The following ROBO2 variants were observed in gnomAD, a reference collection of about 807,000 sequenced individuals.
ROBO2 encodes roundabout homolog 2.
Under a neutral mutation model 160.8 loss-of-function variants are expected in ROBO2, and 53 were observed. That is an observed-to-expected ratio of 0.33 (90% CI 0.26 to 0.41). The LOEUF (loss-of-function observed/expected upper bound fraction) is 0.41, where lower values mean the gene tolerates loss of function less well. Ranked by LOEUF, ROBO2 falls within the 10% of genes least tolerant of loss-of-function variation. The probability of loss-of-function intolerance (pLI) is 1.00; values close to 1 mark genes in which losing one functional copy is unlikely to be tolerated. For missense variants in ROBO2, 1,577 were observed against 1,722.4 expected (o/e 0.92, Z 1.49); for synonymous variants, 664 against 611.7 (o/e 1.09, Z -1.26).
intron 2 of ROBO2, among the ~76,000 whole-genome samples, chr3:76,862,125 A>G (rs2070848541): frequency 3.3e-5 from 5 of 152,068 alleles, no homozygotes; most frequent in Non-Finnish European, 1.5e-5. Flanking sequence ...GAAGGAAGGA[A>G]AAGAAGGAAA....
At chr3:77,339,181 C>T (rs1427696219) in intron 2 of ROBO2, among the ~76,000 whole-genome samples, 2 of 151,886 alleles carry the variant, frequency 1.3e-5, no homozygotes, top group Non-Finnish European at 2.9e-5. Context: ...AAAATTAACA[C>T]TCTTTTTTTA....
At chr3:76,940,749 T>C (rs1334361781) in intron 2 of ROBO2, among the ~76,000 whole-genome samples, 2 of 152,230 alleles carry the variant, frequency 1.3e-5, no homozygotes, top group East Asian at 1.9e-4. Flanking sequence ...AACGGCTTTA[T>C]TGCACAATGT....
chr3:76,627,357 A>G (rs765728732), intron 2 of ROBO2, among the ~76,000 whole-genome samples: 2 of 152,176 alleles, frequency 1.3e-5, no homozygotes, highest in Non-Finnish European at 2.9e-5. Flanking sequence ...GGTTGTGTCT[A>G]ACGGTTCCAG....
At chr3:76,089,205 A>C (rs2069131895) in intron 2 of ROBO2, among the ~76,000 whole-genome samples, 2 of 152,072 alleles carry the variant, frequency 1.3e-5, no homozygotes, top group Non-Finnish European at 2.9e-5. Flanking sequence ...CAGTTACCAA[A>C]ATAGAAAATA....
intron 2 of ROBO2, among the ~76,000 whole-genome samples, chr3:76,058,962 C>T (rs933659089): frequency 1.4e-4 from 21 of 151,430 alleles, no homozygotes; most frequent in African/African-American, 4.6e-4. Flanking sequence ...ACCCATGTCC[C>T]TACAAAGGAC....
At chr3:77,078,264 A>G (rs192048160) in intron 1 of ROBO2, among the ~76,000 whole-genome samples, 1 of 152,344 alleles carries the variant, frequency 6.6e-6, no homozygotes, top group Non-Finnish European at 1.5e-5. Flanking sequence ...TTGAAAACTT[A>G]CAATGTAAAC....
chr3:76,365,142 T>C (rs2075740208), intron 2 of ROBO2, among the ~76,000 whole-genome samples: 1 of 152,080 alleles, frequency 6.6e-6, no homozygotes, highest in Admixed American at 6.6e-5. Context: ...AGAGAGAGCC[T>C]GTGGTGTGGC....
intron 2 of ROBO2, among the ~76,000 whole-genome samples, chr3:76,702,551 C>CAGAA (rs149427992): frequency 4.0e-5 from 6 of 151,170 alleles, no homozygotes; most frequent in African/African-American, 1.5e-4. Flanking sequence ...GAGAAATAGA[C>CAGAA]AGAGAAAGAG....
At chr3:76,616,420 T>C (rs2088589715) in intron 2 of ROBO2, among the ~76,000 whole-genome samples, 1 of 152,178 alleles carries the variant, frequency 6.6e-6, no homozygotes, top group Non-Finnish European at 1.5e-5. Context: ...AGGAACACCT[T>C]GTGTGATTCA....
chr3:77,575,532 A>AAAG (rs2153671431), intron 14 of ROBO2, among the ~76,000 whole-genome samples: 1 of 152,210 alleles, frequency 6.6e-6, no homozygotes, highest in Admixed American at 6.6e-5. Context: ...GTGCTTGACC[A>AAAG]AAGAGCTCTT....
At chr3:76,751,198 G>T (rs918215318) in intron 2 of ROBO2, among the ~76,000 whole-genome samples, 3 of 152,044 alleles carry the variant, frequency 2.0e-5, no homozygotes, top group Admixed American at 6.6e-5. Flanking sequence ...AATAGGGAAA[G>T]GATTCCCTAT....
chr3:76,598,932 T>C (rs1282892953), intron 2 of ROBO2, among the ~76,000 whole-genome samples: 1 of 152,150 alleles, frequency 6.6e-6, no homozygotes, highest in African/African-American at 2.4e-5. Flanking sequence ...ACACAGCATA[T>C]AGAAAAACAT....
Position 76,507,862 on chromosome 3 carries a change from C to G in ROBO2, c.109+570260C>G, listed in dbSNP as rs113865823. Among the ~76,000 whole-genome samples the G allele has an allele frequency of 2.7e-3, 415 of 152,218 alleles. 2 individuals are homozygous for G. Among genetic ancestry groups the G allele is most frequent in the African/African-American group, 9.6e-3 (400 of 41,558 alleles). ...CCTCTAGTTTTAGGAAAACAACTCT[C>G]TGATCTGTCTCTTTCATAGGAAATC... On this transcript the variant is annotated intron_variant, in intron 2 of 26. Transcript: ENST00000487694.
chr3:76,099,397 C>T (rs2069587988), intron 2 of ROBO2, among the ~76,000 whole-genome samples: 1 of 44,352 alleles, frequency 2.3e-5, no homozygotes, highest in South Asian at 1.0e-3. Flanking sequence ...GCATTTTGTG[C>T]TGAAAAAAAA....
chr3:76,325,091 C>T (rs1016167038), intron 2 of ROBO2, among the ~76,000 whole-genome samples: 5 of 152,172 alleles, frequency 3.3e-5, no homozygotes, highest in Non-Finnish European at 5.9e-5. Flanking sequence ...CGTGACAGAG[C>T]GAGACTCCGT....
At chr3:76,513,513 G>A (rs771619844) in intron 2 of ROBO2, among the ~76,000 whole-genome samples, 3 of 152,020 alleles carry the variant, frequency 2.0e-5, no homozygotes, top group Admixed American at 6.5e-5. Context: ...ACACCACCAC[G>A]CCTGGCGTGG....
chr3:76,226,384 G>A (rs995438405), intron 2 of ROBO2, among the ~76,000 whole-genome samples: 6 of 152,306 alleles, frequency 3.9e-5, no homozygotes, highest in Middle Eastern at 6.8e-3. Flanking sequence ...TGTAGTGTGT[G>A]TATGTGTGTA....
intron 1 of ROBO2, among the ~76,000 whole-genome samples, chr3:77,054,490 T>C (rs536186692): frequency 5.3e-5 from 8 of 152,272 alleles, no homozygotes; most frequent in African/African-American, 1.9e-4. Flanking sequence ...TAGGGAAGCA[T>C]AGACAATGAC....
chr3:76,681,990 GGTC>G (rs2092575314), intron 2 of ROBO2, among the ~76,000 whole-genome samples: 1 of 152,120 alleles, frequency 6.6e-6, no homozygotes, highest in Non-Finnish European at 1.5e-5. Context: ...ATTTACGGGA[GGTC>G]ATATGTGTGC....
Sources: allele counts gnomAD v4.1 joint callset (sites outside exome capture counted in the v4.1 genomes callset), GRCh38; gene constraint gnomAD v4.1.1; transcripts MANE v1.5; gene names NCBI Gene and HGNC (gene_info 2026-07-23, HGNC 2026-07-21).